TNNI1: variants seen among roughly 807,000 people sequenced by gnomAD.
The protein encoded by TNNI1 is troponin I1, slow skeletal type.
In TNNI1, 14 loss-of-function variants were observed where a neutral mutation model predicts 26.7. The observed-to-expected ratio is 0.52, with a 90% CI of 0.35 to 0.82. The LOEUF is 0.82. Ranked by LOEUF, TNNI1 falls within the 40% of genes least tolerant of loss-of-function variation. The probability of loss-of-function intolerance (pLI) is 0.01; values close to 1 mark genes in which losing one functional copy is unlikely to be tolerated. For synonymous variants in TNNI1, 79 were observed against 98.2 expected, an observed-to-expected ratio of 0.80 and a Z score of 1.16; for missense variants, 164 against 257.0, an observed-to-expected ratio of 0.64 and a Z score of 2.47.
chr1:201,418,044 C>CTTTTTTTTTTTT (rs35188093), intron 1 of TNNI1, among the ~76,000 whole-genome samples: 1 of 122,362 alleles, frequency 8.2e-6, no homozygotes, highest in African/African-American at 3.0e-5. Flanking sequence ...GAATTGTAAG[C>CTTTTTTTTTTTT]TTTTTTTTTT....
intron 6 of TNNI1, 107 bp downstream of exon 6, chr1:201,412,925 C>T (rs1662663381): frequency 1.8e-6 from 2 of 1,140,082 alleles, no homozygotes; most frequent in Admixed American, 1.8e-5. Context: ...TTAAGTGGCC[C>T]CTTCCTAGGC....
chr1:201,417,367 A>G (rs1419918929), intron 2 of TNNI1, among the ~76,000 whole-genome samples: 2 of 152,178 alleles, frequency 1.3e-5, no homozygotes, highest in Admixed American at 6.5e-5. Context: ...GGTACTGGGC[A>G]TCGTAAGTTG....
At chr1:201,416,996 C>T in intron 3 of TNNI1, 120 bp downstream of exon 3, 4 of 1,207,010 alleles carry the variant, frequency 3.3e-6, no homozygotes, top group Non-Finnish European at 4.9e-6. Flanking sequence ...CCCTACACCC[C>T]CTGGACTCCC....
chr1:201,418,339 A>G (rs576237838), intron 1 of TNNI1, among the ~76,000 whole-genome samples: 155 of 152,120 alleles, frequency 1.0e-3, no homozygotes, highest in Non-Finnish European at 1.8e-3. Context: ...ATGGTGGTGC[A>G]CGCCTATAGT....
Position 201,408,374 on chromosome 1 carries a change from G to A in TNNI1, c.*879C>T, listed in dbSNP as rs765388177. The A allele has an allele frequency of 2.6e-5, 4 of 152,762 alleles. No homozygotes were observed. The highest frequency in any genetic ancestry group is 5.8e-5 in the Non-Finnish European group (4 of 68,490). The allele number at this position is 152,762 out of a possible 1,614,324, so 9.5% of individuals were successfully genotyped here. On this transcript the variant is annotated 3_prime_UTR_variant, in exon 9 of 9. Transcript: ENST00000361379. ...CGGAGGGACAGGAGAGCCCAGGAGA[G>A]AAGGAAGGCGTCACCTGGTGGCCAG...
At chr1:201,414,853 C>T (rs539268356) in intron 4 of TNNI1, among the ~76,000 whole-genome samples, 80 of 152,362 alleles carry the variant, frequency 5.3e-4, no homozygotes, top group South Asian at 3.7e-3. Context: ...TTGTTTTCCC[C>T]GGACAGTCTT....
At chr1:201,412,532 A>G (rs560274684) in intron 6 of TNNI1, among the ~76,000 whole-genome samples, 1 of 152,200 alleles carries the variant, frequency 6.6e-6, no homozygotes, top group African/African-American at 2.4e-5. Flanking sequence ...CCCACACCCC[A>G]TGCTAAGGGA....
Position 201,411,160 on chromosome 1 carries a change from G to C in TNNI1, c.456+197C>G, listed in dbSNP as rs1662627897. Among the ~76,000 whole-genome samples the C allele has an allele frequency of 6.6e-6, 1 of 152,170 alleles. No individual in the cohort carries two copies. The highest frequency in any genetic ancestry group is 1.5e-5 in the Non-Finnish European group (1 of 68,030). ...TGTCCTAGTTTCTTCGTCAGACTGGGAACAGCCTGAAGGAAGGGAGCAAAT... is the reference window on the plus strand; with the variant it reads ...TGTCCTAGTTTCTTCGTCAGACTGGCAACAGCCTGAAGGAAGGGAGCAAAT... On this transcript the variant is annotated intron_variant, in intron 7 of 8. Coordinates refer to ENST00000361379, the MANE Select transcript of TNNI1 (RefSeq NM_003281.4). This position sits in a 1 kb window ranked among gnomAD's most constrained non-coding sequence, Gnocchi z 4.6.
Position 201,405,707 on chromosome 1 carries a change from T to G in TNNI1, c.*3546A>C, listed in dbSNP as rs1049726675. The G allele has an allele frequency of 5.2e-5, 8 of 152,906 alleles. No individual in the cohort carries two copies. The highest frequency in any genetic ancestry group is 1.0e-4 in the Non-Finnish European group (7 of 68,252). 9.5% of individuals were successfully genotyped at this position (152,906 alleles called of 1,614,324 possible). On this transcript the variant is annotated 3_prime_UTR_variant, in exon 9 of 9. Transcript: ENST00000361379. ...GTGGGCTCAGACACACAGCTGAGCTTGGCCTCCTTGCGCCGTGGGGACCGG... is the reference window on the plus strand; with the variant it reads ...GTGGGCTCAGACACACAGCTGAGCTGGGCCTCCTTGCGCCGTGGGGACCGG...
intron 8 of TNNI1, among the ~76,000 whole-genome samples, 162 bp from the exon 9 acceptor site, chr1:201,409,412 T>G (rs1221258676): frequency 6.6e-6 from 1 of 152,138 alleles, no homozygotes; most frequent in African/African-American, 2.4e-5. Flanking sequence ...CCTCAGCTTC[T>G]CGGCCCTCGG....
chr1:201,419,536 G>C (rs2102374389), intron 1 of TNNI1, among the ~76,000 whole-genome samples: 1 of 152,324 alleles, frequency 6.6e-6, no homozygotes, highest in African/African-American at 2.4e-5. Context: ...TTTGGACTTG[G>C]TTCAAGAACC....
Position 201,413,020 on chromosome 1 carries a change from C to T in TNNI1, c.279+12G>A. The T allele has an allele frequency of 6.2e-7, 1 of 1,613,806 alleles. No homozygotes were observed. The highest frequency in any genetic ancestry group is 8.5e-7 in the Non-Finnish European group (1 of 1,179,718). On this transcript the variant is annotated intron_variant, in intron 6 of 8. Transcript: ENST00000361379. The stretch of plus-strand genomic sequence containing the variant: ...CCATTATGGCCATGCCCCTTCCCTT[C>T]CTTAGACTCACCTCCCTGGTGTTGT...
chr1:201,412,742 C>T (rs978254222), intron 6 of TNNI1, among the ~76,000 whole-genome samples: 4 of 152,350 alleles, frequency 2.6e-5, no homozygotes, highest in Non-Finnish European at 4.4e-5. Context: ...AAAGGTAAGA[C>T]GTTATTAACA....
chr1:201,413,290 C>T (rs752143328), intron 5 of TNNI1, among the ~76,000 whole-genome samples, 169 bp from the exon 6 acceptor site: 32 of 152,182 alleles, frequency 2.1e-4, no homozygotes, highest in South Asian at 2.1e-4. Flanking sequence ...AAAGGGTATG[C>T]CCTCTGTTCT....
intron 5 of TNNI1, 46 bp downstream of exon 5, chr1:201,414,472 C>CA (rs752718258): frequency 6.7e-7 from 1 of 1,481,624 alleles, no homozygotes; most frequent in African/African-American, 1.4e-5. Flanking sequence ...GCCACCCACA[C>CA]AGCACCTCCA....
intron 2 of TNNI1, 105 bp downstream of exon 2, chr1:201,417,678 G>T: frequency 9.6e-7 from 1 of 1,045,244 alleles, no homozygotes; most frequent in Non-Finnish European, 1.3e-6. Flanking sequence ...GTCTCTTAGG[G>T]AAAAGCTTTG....
chr1:201,412,726 C>T (rs1177933575), intron 6 of TNNI1, among the ~76,000 whole-genome samples: 2 of 152,260 alleles, frequency 1.3e-5, no homozygotes, highest in Non-Finnish European at 2.9e-5. Context: ...CATGAAAGCA[C>T]TTCACAAAGG....
rs777018990 is a variant in TNNI1 at position 201,407,840 on chromosome 1, C to G, written c.*1413G>C. ...TGGGCAGATTACGAGGTCAGGAGTT[C>G]GAGACCAGCCTGACCAACATGGTGA... On this transcript the variant is annotated 3_prime_UTR_variant, in exon 9 of 9. Transcript: ENST00000361379. 6.6e-6 allele frequency: 1 copy of G among 151,976 alleles called. No individual in the cohort carries two copies. The highest frequency in any genetic ancestry group is 2.4e-5 in the African/African-American group (1 of 41,354). 9.4% of individuals were successfully genotyped at this position (151,976 alleles called of 1,614,324 possible). A position where few individuals can be genotyped will look rare whatever the true frequency, so the allele number is the denominator to read the frequency against.
chr1:201,409,289 ACCTGTGTGCAGCGCATGAATC>A (rs1662589685), intron 8 of TNNI1, 39 bp from the exon 9 acceptor site: 1 of 152,188 alleles, frequency 6.6e-6, no homozygotes, highest in Non-Finnish European at 1.5e-5. Context: ...GTTCCCGGGG[ACCTGTGTGCAGCGCATGAATC>A]CCTGACTTAC....
Sources: gnomAD v4.1 joint callset for allele counts (sites outside exome capture counted in the v4.1 genomes callset) on GRCh38, gnomAD v4.1.1 for gene constraint, Gnocchi (gnomAD v3.1) non-coding constraint, MANE v1.5 for transcripts, NCBI Gene and HGNC (gene_info 2026-07-23, HGNC 2026-07-21) for gene names.